Variants in TRHDE observed in about 807,000 individuals in gnomAD.
TRHDE encodes the protein thyrotropin releasing hormone degrading enzyme.
TRHDE carries 72 observed loss-of-function variants against 125.7 expected under a neutral mutation model. That is an observed-to-expected ratio of 0.57 (90% CI 0.47 to 0.70). The LOEUF (loss-of-function observed/expected upper bound fraction) is 0.70, where lower values mean the gene tolerates loss of function less well. TRHDE is among the 30% of genes least tolerant of loss of function. TRHDE has a pLI of 0.00. For missense variants in TRHDE, 1,110 were observed against 1,327.1 expected, an observed-to-expected ratio of 0.84 and a Z score of 2.54; for synonymous variants, 509 against 509.1, an observed-to-expected ratio of 1.00 and a Z score of 0.00.
chr12:72,176,995 A>G (rs1472743554), intron 2 of TRHDE, among the ~76,000 whole-genome samples: 10 of 152,188 alleles, frequency 6.6e-5, no homozygotes, highest in Non-Finnish European at 1.5e-5. Flanking sequence ...GGGCAGCCCA[A>G]TAGATCATGA....
At chr12:72,641,287 T>A (rs1374381301) in intron 15 of TRHDE, among the ~76,000 whole-genome samples, 2 of 152,262 alleles carry the variant, frequency 1.3e-5, no homozygotes, top group Non-Finnish European at 2.9e-5. Context: ...ATATATTGAA[T>A]GTGTTTTCTT....
chr12:72,454,602 C>A (rs61497936), intron 3 of TRHDE, among the ~76,000 whole-genome samples: 3 of 152,062 alleles, frequency 2.0e-5, no homozygotes, highest in Non-Finnish European at 4.4e-5. Context: ...GTATTTTACT[C>A]GCCAATCTTC....
intron 2 of TRHDE, among the ~76,000 whole-genome samples, chr12:72,178,350 T>C (rs1877030665): frequency 6.6e-6 from 1 of 152,072 alleles, no homozygotes; most frequent in South Asian, 2.1e-4. Flanking sequence ...ACAGCATCGA[T>C]GATGTCAAGA....
chr12:72,606,407 C>T (rs1352305218), intron 12 of TRHDE, among the ~76,000 whole-genome samples: 2 of 152,120 alleles, frequency 1.3e-5, no homozygotes, highest in Non-Finnish European at 2.9e-5. Flanking sequence ...ATGCATGGCA[C>T]GTGATGCTGA....
chr12:72,386,751 C>T (rs1872435138), intron 3 of TRHDE, among the ~76,000 whole-genome samples: 1 of 152,174 alleles, frequency 6.6e-6, no homozygotes. Flanking sequence ...ATAATGCCTC[C>T]ACACTGCTAA....
chr12:72,261,279 CT>C (rs1337329623), intron 2 of TRHDE, among the ~76,000 whole-genome samples: 4 of 152,122 alleles, frequency 2.6e-5, no homozygotes, highest in African/African-American at 9.7e-5. Flanking sequence ...AAAGCACTAA[CT>C]TTGGTTTAGT....
chr12:72,210,208 A>AT (rs55661730), intron 2 of TRHDE, among the ~76,000 whole-genome samples: 169 of 151,418 alleles, frequency 1.1e-3, no homozygotes, highest in African/African-American at 4.0e-3. Flanking sequence ...CTATCTATCT[A>AT]CTTTCTGATA....
chr12:72,416,953 C>T (rs1249679261), intron 3 of TRHDE, among the ~76,000 whole-genome samples: 1 of 151,960 alleles, frequency 6.6e-6, no homozygotes, highest in Non-Finnish European at 1.5e-5. Context: ...GATTGCTTTG[C>T]ATAATATGGA....
intron 2 of TRHDE, among the ~76,000 whole-genome samples, chr12:72,114,389 C>G (rs1875393952): frequency 6.6e-6 from 1 of 152,112 alleles, no homozygotes; most frequent in African/African-American, 2.4e-5. Context: ...CAATAACAAT[C>G]AGTTGATCAA....
chr12:72,173,639 A>T (rs575937811), intron 2 of TRHDE, among the ~76,000 whole-genome samples: 3 of 152,174 alleles, frequency 2.0e-5, no homozygotes, highest in Non-Finnish European at 2.9e-5. Context: ...ATGGGACTTA[A>T]AAAAGGATTT....
At chr12:72,606,393 A>G (rs377609089) in intron 12 of TRHDE, among the ~76,000 whole-genome samples, 77 of 152,284 alleles carry the variant, frequency 5.1e-4, no homozygotes, top group African/African-American at 1.8e-3. Context: ...AGGTCAGAAT[A>G]TAGATGCATG....
At chr12:72,467,552 C>G (rs552253641) in intron 3 of TRHDE, among the ~76,000 whole-genome samples, 1 of 152,194 alleles carries the variant, frequency 6.6e-6, no homozygotes, top group East Asian at 1.9e-4. Flanking sequence ...CGCGATGGCT[C>G]AGGCCTGTAA....
At chr12:72,556,266 G>T (rs543089192) in intron 7 of TRHDE, among the ~76,000 whole-genome samples, 2 of 152,186 alleles carry the variant, frequency 1.3e-5, no homozygotes, top group Non-Finnish European at 2.9e-5. Context: ...ACCCATTAGG[G>T]TTGTATTATG....
At chr12:72,635,997 G>A (rs1185438223) in intron 15 of TRHDE, among the ~76,000 whole-genome samples, 2 of 150,704 alleles carry the variant, frequency 1.3e-5, no homozygotes, top group Non-Finnish European at 1.5e-5. Flanking sequence ...CTCTTTTTTG[G>A]TTCCATATGA....
chr12:72,595,002 C>T (rs1291399803), intron 12 of TRHDE, among the ~76,000 whole-genome samples: 1 of 150,392 alleles, frequency 6.6e-6, no homozygotes, highest in African/African-American at 2.5e-5. Flanking sequence ...TCTCAGTAAA[C>T]TATTGCAAGG....
chr12:72,509,395 A>G (rs749304030), intron 6 of TRHDE, among the ~76,000 whole-genome samples: 1 of 151,524 alleles, frequency 6.6e-6, no homozygotes, highest in Non-Finnish European at 1.5e-5. Flanking sequence ...TTTATTTCTT[A>G]TCTATCTGAA....
chr12:72,105,194 G>A (rs1310011519), intron 1 of TRHDE, among the ~76,000 whole-genome samples: 1 of 152,166 alleles, frequency 6.6e-6, no homozygotes, highest in Non-Finnish European at 1.5e-5. Flanking sequence ...GAAGTACATG[G>A]TTAAAATTCT....
At chr12:72,512,547 T>C (rs1878645433) in intron 6 of TRHDE, among the ~76,000 whole-genome samples, 1 of 138,934 alleles carries the variant, frequency 7.2e-6, no homozygotes, top group Admixed American at 7.7e-5. Context: ...TATATATTCA[T>C]ATATAATCAT....
chr12:72,217,946 CT>C (rs1877926985), intron 2 of TRHDE, among the ~76,000 whole-genome samples: 1 of 151,968 alleles, frequency 6.6e-6, no homozygotes, highest in African/African-American at 2.4e-5. Context: ...AATTTTTTGT[CT>C]ATAACAAAAA....
Sources: allele counts gnomAD v4.1 joint callset (sites outside exome capture counted in the v4.1 genomes callset), GRCh38; gene constraint gnomAD v4.1.1; transcripts MANE v1.5; gene names NCBI Gene and HGNC (gene_info 2026-07-23, HGNC 2026-07-21).